The following DOCK7 variants were observed in gnomAD, a reference collection of about 807,000 sequenced individuals.
DOCK7 encodes dedicator of cytokinesis protein 7.
A neutral mutation model predicts 271.0 loss-of-function variants in DOCK7; 138 were observed. The ratio of observed to expected loss-of-function variants is 0.51; its 90% confidence interval spans 0.44 to 0.59. The LOEUF (loss-of-function observed/expected upper bound fraction) is 0.59, where lower values mean the gene tolerates loss of function less well. Ranked by LOEUF, DOCK7 falls within the 20% of genes least tolerant of loss-of-function variation. DOCK7 has a pLI of 0.00. For missense variants in DOCK7, 2,066 were observed against 2,592.4 expected (o/e 0.80, Z 4.41); for synonymous variants, 823 against 876.1 (o/e 0.94, Z 1.07).
chr1:62,465,057 A>G (rs1326503715), intron 48 of DOCK7, among the ~76,000 whole-genome samples: 1 of 152,218 alleles, frequency 6.6e-6, no homozygotes, highest in East Asian at 1.9e-4. Context: ...AGAAAAATGT[A>G]AACAGATGTA....
chr1:62,471,740 T>C (rs182797489), intron 48 of DOCK7, among the ~76,000 whole-genome samples: 1 of 152,338 alleles, frequency 6.6e-6, no homozygotes, highest in African/African-American at 2.4e-5. Context: ...TCCATTGTAG[T>C]ATAAACTATA....
At chr1:62,528,399 T>C in intron 30 of DOCK7, 94 bp from the exon 31 acceptor site, 1 of 1,178,052 alleles carries the variant, frequency 8.5e-7, no homozygotes, top group African/African-American at 1.5e-5. Flanking sequence ...AATAACTTGT[T>C]GACATGTTAT....
In DOCK7 at chr1:62,513,510, C is replaced by T; in HGVS notation, c.4216G>A (p.Ala1406Thr). The stretch of plus-strand genomic sequence containing the variant: ...CTTCGCCGTACCATTTCTTGCCTGG[C>T]ACCTATGCTCCCAAGAATAGCTTCT... ...LEEAILGSIGARQEMVRRSRG... is the reference protein window; with the variant it reads ...LEEAILGSIGTRQEMVRRSRG... Residue 1406 changes from alanine to threonine, a missense_variant, in exon 33 of 50, where the codon GCC (alanine) becomes ACC (threonine). Ala to Thr is a moderately conservative substitution (Grantham distance 58). Around this residue, in one of 2 missense-constraint regions of DOCK7, gnomAD observed 652 missense variants for 922.1 expected, o/e 0.71. Transcript: ENST00000635253. 1 of 1,614,108 alleles carries T rather than the reference C, an allele frequency of 6.2e-7. No individual in the cohort carries two copies. Among genetic ancestry groups the T allele is most frequent in the East Asian group, 2.2e-5 (1 of 44,880 alleles).
intron 2 of DOCK7, among the ~76,000 whole-genome samples, chr1:62,660,205 GA>G (rs1263304689): frequency 1.3e-5 from 2 of 152,066 alleles, no homozygotes; most frequent in Non-Finnish European, 2.9e-5. Flanking sequence ...AAAAAGAACT[GA>G]AATCAGACAG....
intron 14 of DOCK7, among the ~76,000 whole-genome samples, chr1:62,606,720 A>G (rs1651052642): frequency 6.6e-6 from 1 of 152,104 alleles, no homozygotes; most frequent in Non-Finnish European, 1.5e-5. Flanking sequence ...CTGTGGGCCA[A>G]TGGACAACCT....
At chr1:62,524,692 G>A (rs111595463) in intron 31 of DOCK7, among the ~76,000 whole-genome samples, 5,271 of 151,746 alleles carry the variant, frequency 0.035, 315 homozygotes, top group African/African-American at 0.12. Context: ...GAGGTCAGGA[G>A]TTTGAGACCA....
chr1:62,552,821 G>T lies in DOCK7; in HGVS notation c.2677C>A (p.Arg893Ser). Reference protein sequence around the residue: ...AVRPASLNLNRSRSLSNSNPD... With the variant: ...AVRPASLNLNSSRSLSNSNPD... ...TTGCTATTACTAAGGCTTCGAGAACGATTTAAATTAAGGCTTGCAGGTCTC... is the reference window on the plus strand; with the variant it reads ...TTGCTATTACTAAGGCTTCGAGAACTATTTAAATTAAGGCTTGCAGGTCTC... Residue 893 changes from arginine to serine, a missense_variant, in exon 22 of 50, where the codon CGT becomes AGT. Arg to Ser is a moderately radical substitution (Grantham distance 110, BLOSUM62 -1). Transcript: ENST00000635253. 6.2e-7 allele frequency: 1 copy of T among 1,613,774 alleles called. No homozygotes were observed. Among genetic ancestry groups the T allele is most frequent in the Non-Finnish European group, 8.5e-7 (1 of 1,179,912 alleles).
intron 14 of DOCK7, among the ~76,000 whole-genome samples, chr1:62,592,845 A>G (rs1299370496): frequency 6.6e-6 from 1 of 152,212 alleles, no homozygotes; most frequent in Non-Finnish European, 1.5e-5. Context: ...TTTGAAGGAC[A>G]ATCTGACAAA....
rs188810618 is a variant in DOCK7, at chr1:62,513,916, T to C, written c.3937-18A>G. The C allele has an allele frequency of 1.9e-5, 30 of 1,606,484 alleles. No individual in the cohort carries two copies. In the East Asian group the frequency reaches 6.0e-4, roughly 32 times the overall value. On this transcript the variant is annotated intron_variant, in intron 31 of 49. Transcript: ENST00000635253. Reference sequence around the variant, plus strand: ...CTGCCACTCTGAAAATAAAGAGCAGTAGAATGAGACAGATTGATCAAAGAC... The same window carrying C: ...CTGCCACTCTGAAAATAAAGAGCAGCAGAATGAGACAGATTGATCAAAGAC...
chr1:62,459,806 A>C (rs908779898), intron 48 of DOCK7, among the ~76,000 whole-genome samples: 1 of 152,246 alleles, frequency 6.6e-6, no homozygotes, highest in Non-Finnish European at 1.5e-5. Flanking sequence ...AGTATATAAA[A>C]AAATGCTTCC....
At chr1:62,609,017 C>T (rs746267806) in intron 14 of DOCK7, 14 of 152,152 alleles carry the variant, frequency 9.2e-5, no homozygotes, top group Non-Finnish European at 1.9e-4. Flanking sequence ...CCATCACTAA[C>T]AGCCATAAAC....
In DOCK7 at chr1:62,529,263, A is replaced by G; in HGVS notation, c.3781+14T>C. 6.4e-7 allele frequency: 1 copy of G among 1,569,374 alleles called. No homozygotes were observed. Among genetic ancestry groups the G allele is most frequent in the Non-Finnish European group, 8.6e-7 (1 of 1,161,270 alleles). On this transcript the variant is annotated intron_variant, in intron 30 of 49. Coordinates refer to ENST00000635253, the MANE Select transcript of DOCK7 (RefSeq NM_001367561.1). ...AGCTTTGCCTTTAATATTTGCCTTA[A>G]TTATACTAGGTACCTGTAAAATCAT...
intron 18 of DOCK7, among the ~76,000 whole-genome samples, chr1:62,574,378 T>C (rs1026529795): frequency 3.9e-5 from 6 of 152,066 alleles, no homozygotes; most frequent in Admixed American, 3.9e-4. Context: ...TTACAGACTT[T>C]ATGACAGAGC....
intron 7 of DOCK7, chr1:62,641,456 TG>T: frequency 4.8e-6 from 2 of 417,610 alleles, no homozygotes; most frequent in Non-Finnish European, 9.7e-6. Context: ...CTTGGTCTTG[TG>T]GGGCAGCATG....
chr1:62,469,222 C>CACAT (rs1317455713), intron 48 of DOCK7, among the ~76,000 whole-genome samples: 9 of 152,130 alleles, frequency 5.9e-5, no homozygotes, highest in African/African-American at 2.2e-4. Flanking sequence ...TAAAAATAGG[C>CACAT]ACATAGACCA....
chr1:62,546,120 T>C (rs537482378), intron 22 of DOCK7, among the ~76,000 whole-genome samples: 2 of 151,376 alleles, frequency 1.3e-5, no homozygotes, highest in South Asian at 2.1e-4. Context: ...AAGTGAAGAG[T>C]TGGAACAACT....
intron 48 of DOCK7, among the ~76,000 whole-genome samples, chr1:62,469,594 T>C (rs1244731949): frequency 6.6e-6 from 1 of 152,284 alleles, no homozygotes; most frequent in South Asian, 2.1e-4. Context: ...AGCTTTTGTA[T>C]GGCAAAAGGA....
intron 43 of DOCK7, chr1:62,479,581 A>G (rs886178124): frequency 6.2e-6 from 1 of 160,020 alleles, no homozygotes. Context: ...TGAAAAATAA[A>G]AAAAAGAACC....
intron 14 of DOCK7, among the ~76,000 whole-genome samples, chr1:62,599,355 G>A (rs1309760868): frequency 6.6e-6 from 1 of 151,876 alleles, no homozygotes; most frequent in Admixed American, 6.6e-5. Context: ...CTTCTGCCCT[G>A]GTATCTACGT....
Sources: gnomAD v4.1 joint callset for allele counts (sites outside exome capture counted in the v4.1 genomes callset) on GRCh38, gnomAD v4.1.1 for gene constraint, gnomAD v4.1.1 regional missense constraint, MANE v1.5 for transcripts, NCBI Gene and HGNC (gene_info 2026-07-23, HGNC 2026-07-21) for gene names.